Variants in PRIM2 observed in about 807,000 individuals in gnomAD.
The protein encoded by PRIM2 is DNA primase large subunit.
PRIM2 carries 39 observed loss-of-function variants against 67.3 expected under a neutral mutation model. The ratio of observed to expected loss-of-function variants is 0.58; its 90% CI spans 0.45 to 0.76. PRIM2 has a LOEUF of 0.76. Ranked by LOEUF, PRIM2 falls within the 30% of genes least tolerant of loss-of-function variation. The probability of loss-of-function intolerance (pLI) is 0.00; values close to 1 mark genes in which losing one functional copy is unlikely to be tolerated. For missense variants in PRIM2, 398 were observed against 598.7 expected (o/e 0.66, Z 3.50); for synonymous variants, 143 against 198.7 (o/e 0.72, Z 2.36).
intron 10 of PRIM2, among the ~76,000 whole-genome samples, chr6:57,548,601 G>A (rs1775336058): frequency 6.6e-6 from 1 of 152,250 alleles, no homozygotes; most frequent in African/African-American, 2.4e-5. Flanking sequence ...TGTAGAATTT[G>A]TTTCTTTCTT....
the PRIM2 span, among the ~76,000 whole-genome samples, chr6:57,297,146 C>T: frequency 7.2e-5 from 11 of 151,966 alleles, no homozygotes; most frequent in Admixed American, 3.3e-4. Flanking sequence ...GAAGAAGTGA[C>T]GGAAATAGAA....
At chr6:57,322,923 G>A (rs1408075707) in intron 3 of PRIM2, among the ~76,000 whole-genome samples, 3 of 152,120 alleles carry the variant, frequency 2.0e-5, no homozygotes, top group Non-Finnish European at 4.4e-5. Flanking sequence ...GAAGACTGAC[G>A]ATTTTCTGAG....
chr6:57,430,553 T>C (rs78552113), intron 7 of PRIM2, among the ~76,000 whole-genome samples: 1 of 145,466 alleles, frequency 6.9e-6, no homozygotes. Context: ...TCCCAGGTAC[T>C]AGTGATTCTC....
At chr6:57,573,412 G>C (rs1775897966) in intron 10 of PRIM2, among the ~76,000 whole-genome samples, 1 of 151,648 alleles carries the variant, frequency 6.6e-6, no homozygotes, top group Admixed American at 6.6e-5. Context: ...GTCATCCTCA[G>C]CTTTTTTTTA....
chr6:57,325,368 C>T lies in PRIM2; in HGVS notation c.339-557C>T, dbSNP rs530009221. 9.0e-5 allele frequency among the ~76,000 whole-genome samples: 13 copies of T among 144,408 alleles called. No homozygotes were observed. In the East Asian group the frequency reaches 2.0e-3, roughly 22 times the overall value. 94.7% of individuals were successfully genotyped at this position (144,408 alleles called of 152,430 possible). ...AGGCTGGAGTACAGTGGTGTGATCT[C>T]GGCTCACTGCAGCCTCAACATCCGT... On this transcript the variant is annotated intron_variant, in intron 4 of 13. Transcript: ENST00000615550.
intron 12 of PRIM2, among the ~76,000 whole-genome samples, chr6:57,622,967 T>C (rs2127497355): frequency 6.6e-6 from 1 of 152,342 alleles, no homozygotes; most frequent in Admixed American, 6.5e-5. Flanking sequence ...CTGAGCTACC[T>C]AAAAACTATG....
the PRIM2 span, among the ~76,000 whole-genome samples, chr6:57,261,293 C>T: frequency 2.6e-5 from 4 of 152,118 alleles, no homozygotes; most frequent in Admixed American, 6.6e-5. Flanking sequence ...AGGAGCCAGG[C>T]CACCAGGGAG....
chr6:57,496,251 A>G (rs1338785799), intron 7 of PRIM2, among the ~76,000 whole-genome samples: 1 of 152,204 alleles, frequency 6.6e-6, no homozygotes, highest in Non-Finnish European at 1.5e-5. Flanking sequence ...AGTGCAGAAT[A>G]GATTATCTTT....
At chr6:57,635,582 T>G (rs1460671275) in intron 13 of PRIM2, among the ~76,000 whole-genome samples, 3 of 152,210 alleles carry the variant, frequency 2.0e-5, no homozygotes, top group African/African-American at 4.8e-5. Context: ...TAACTGTGGG[T>G]ACTTATTTTC....
chr6:57,490,228 G>T (rs2127409631), intron 7 of PRIM2, among the ~76,000 whole-genome samples: 1 of 152,252 alleles, frequency 6.6e-6, no homozygotes, highest in Admixed American at 6.5e-5. Flanking sequence ...CCCTTTAAAG[G>T]ATTTACATTT....
At chr6:57,511,265 T>C (rs1211184807) in intron 8 of PRIM2, among the ~76,000 whole-genome samples, 1 of 152,132 alleles carries the variant, frequency 6.6e-6, no homozygotes, top group Non-Finnish European at 1.5e-5. Flanking sequence ...AATCCAATTC[T>C]CAAGTACAGA....
chr6:57,300,253 T>A, the PRIM2 span, among the ~76,000 whole-genome samples: 3 of 152,214 alleles, frequency 2.0e-5, no homozygotes, highest in Non-Finnish European at 4.4e-5. Flanking sequence ...CACCTTATAC[T>A]CCCTCTGTCC....
At chr6:57,262,675 G>T in the PRIM2 span, among the ~76,000 whole-genome samples, 1 of 152,146 alleles carries the variant, frequency 6.6e-6, no homozygotes, top group Non-Finnish European at 1.5e-5. Context: ...CCTCTGTGGT[G>T]CAGAGAGGAG....
chr6:57,545,861 G>C (rs1422257271), intron 10 of PRIM2, among the ~76,000 whole-genome samples: 1 of 152,184 alleles, frequency 6.6e-6, no homozygotes, highest in Non-Finnish European at 1.5e-5. Context: ...GGACCTTAAA[G>C]TGTAGTCCAT....
At chr6:57,448,348 G>A (rs1170778786) in intron 7 of PRIM2, among the ~76,000 whole-genome samples, 2 of 152,078 alleles carry the variant, frequency 1.3e-5, no homozygotes, top group Non-Finnish European at 2.9e-5. Context: ...TAGTTTTTGA[G>A]GGTGAGAGTA....
At position 57,333,975 on chromosome 6, in the gene PRIM2, G is replaced by T. The variant is rs190259307; in HGVS notation, c.459+7930G>T. On this transcript the variant is annotated intron_variant, in intron 5 of 13. Coordinates refer to ENST00000615550, the MANE Select transcript of PRIM2 (RefSeq NM_000947.5). ...ATACAGTTTGTTGTCATTAACTGTA[G>T]ACATCATGTTGTACAATGGGTCTCT... Among the ~76,000 whole-genome samples, 48 of 152,224 alleles carry T rather than the reference G, an allele frequency of 3.2e-4. No homozygotes were observed. In the East Asian group the frequency reaches 9.3e-3, roughly 29 times the overall value.
intron 12 of PRIM2, among the ~76,000 whole-genome samples, chr6:57,624,260 TCTTC>T (rs1776907846): frequency 6.6e-6 from 1 of 152,212 alleles, no homozygotes; most frequent in East Asian, 1.9e-4. Flanking sequence ...TTTCCTCTCT[TCTTC>T]CTTCTCTTTC....
the PRIM2 span, among the ~76,000 whole-genome samples, chr6:57,234,710 A>C: frequency 6.6e-6 from 1 of 151,736 alleles, no homozygotes; most frequent in Non-Finnish European, 1.5e-5. Flanking sequence ...TTTTTAGTAG[A>C]GATGGGGTTT....
chr6:57,641,218 C>T (rs1234935765), intron 13 of PRIM2, among the ~76,000 whole-genome samples: 2 of 152,060 alleles, frequency 1.3e-5, no homozygotes, highest in Admixed American at 6.5e-5. Context: ...CCCTTCCTTA[C>T]ACCTTATACA....
Sources: gnomAD v4.1 joint callset for allele counts (sites outside exome capture counted in the v4.1 genomes callset) on GRCh38, gnomAD v4.1.1 for gene constraint, MANE v1.5 for transcripts, NCBI Gene and HGNC (gene_info 2026-07-23, HGNC 2026-07-21) for gene names.